The following CASP4 variants were observed in gnomAD, a reference collection of about 807,000 sequenced individuals.
The protein encoded by CASP4 is caspase 4.
Under a neutral mutation model 41.3 loss-of-function variants are expected in CASP4, and 29 were observed. That is an observed-to-expected ratio of 0.70 (90% confidence interval 0.52 to 0.96). The LOEUF (loss-of-function observed/expected upper bound fraction) is 0.96. Among genes scored for constraint, CASP4 ranks in the 40% least tolerant of loss-of-function variants. CASP4 has a pLI of 0.00. For synonymous variants in CASP4, 185 were observed against 158.4 expected (o/e 1.17, Z -1.26); for missense variants, 447 against 460.6 (o/e 0.97, Z 0.27).
rs1463444105 is a variant in CASP4, at chr11:104,954,433, C to A, written c.262+314G>T. Reference sequence around the variant, plus strand: ...TAACTAAGGATCTAGGGAAGTTAAGCAACTTACAGGATGTCACATAGGTCA... The same window carrying A: ...TAACTAAGGATCTAGGGAAGTTAAGAAACTTACAGGATGTCACATAGGTCA... On this transcript the variant is annotated intron_variant, in intron 2 of 8. Coordinates refer to ENST00000444739, the MANE Select transcript of CASP4 (RefSeq NM_001225.4). Among the ~76,000 whole-genome samples, 11 of 152,214 alleles carry A rather than the reference C, an allele frequency of 7.2e-5. 1 individual carries two copies. The East Asian group carries it at 7.7e-4, about 11-fold the overall frequency.
intron 1 of CASP4, among the ~76,000 whole-genome samples, chr11:104,962,984 A>G (rs1043619240): frequency 2.0e-5 from 3 of 152,152 alleles, no homozygotes; most frequent in Non-Finnish European, 4.4e-5. Flanking sequence ...AAATCTTGTA[A>G]AAAGAAACTG....
chr11:104,955,331 A>G (rs1860713502), intron 1 of CASP4, among the ~76,000 whole-genome samples: 1 of 151,880 alleles, frequency 6.6e-6, no homozygotes, highest in Non-Finnish European at 1.5e-5. Context: ...TTCACGGCCC[A>G]TAGTGATAAT....
chr11:104,958,960 CAAAAAAAAAAAAAA>C (rs56678254), intron 1 of CASP4, among the ~76,000 whole-genome samples: 1 of 62,466 alleles, frequency 1.6e-5, no homozygotes, highest in African/African-American at 6.0e-5. Context: ...GACTCTGTCT[CAAAAAAAAAAAAAA>C]AAAAAAAAAA....
At chr11:104,965,955 A>G (rs1447317121) in intron 1 of CASP4, among the ~76,000 whole-genome samples, 2 of 152,198 alleles carry the variant, frequency 1.3e-5, no homozygotes, top group Non-Finnish European at 2.9e-5. Flanking sequence ...ACACAGCAAG[A>G]AAACCTCACT....
At chr11:104,965,959 C>A (rs971259858) in intron 1 of CASP4, among the ~76,000 whole-genome samples, 5 of 152,118 alleles carry the variant, frequency 3.3e-5, no homozygotes, top group African/African-American at 7.2e-5. Flanking sequence ...AGCAAGAAAA[C>A]CTCACTTTGA....
At chr11:104,953,172 T>C (rs965149670) in intron 2 of CASP4, among the ~76,000 whole-genome samples, 9 of 152,252 alleles carry the variant, frequency 5.9e-5, no homozygotes, top group African/African-American at 1.9e-4. Flanking sequence ...CATATTATAC[T>C]GCAGACTGCT....
rs551111748 is a variant in CASP4 at position 104,954,685 on chromosome 11, G to T, written c.262+62C>A. On this transcript the variant is annotated intron_variant, in intron 2 of 8. Coordinates refer to ENST00000444739, the MANE Select transcript of CASP4 (RefSeq NM_001225.4). ...GGGAATCACAGAAGACACTGCTTAGGCCTTGGAGTTAAACAGATTTAGGGA... is the reference window on the plus strand; with the variant it reads ...GGGAATCACAGAAGACACTGCTTAGTCCTTGGAGTTAAACAGATTTAGGGA... 4 of 1,441,096 alleles carry T rather than the reference G, an allele frequency of 2.8e-6. No individual in the cohort carries two copies. In the African/African-American group the frequency reaches 4.2e-5, roughly 15 times the overall value. 89.3% of individuals were successfully genotyped at this position (1,441,096 alleles called of 1,614,324 possible). A position where few individuals can be genotyped will look rare whatever the true frequency, so the allele number is the denominator to read the frequency against.
rs1354686167 is a variant in CASP4, at chr11:104,952,008, G to A, written c.263-3C>T. The A allele has an allele frequency of 6.5e-7, 1 of 1,548,958 alleles. No individual in the cohort carries two copies. The highest frequency in any genetic ancestry group is 1.1e-5 in the South Asian group (1 of 89,730). ...TCCAGCCTCCATATTCGGATGAGCT[G>A]CAGGATATTGCAGAACATAAATTGT... On this transcript the variant is annotated splice_region_variant and splice_polypyrimidine_tract_variant and intron_variant, in intron 2 of 8. Transcript: ENST00000444739.
chr11:104,945,937 C>G (rs1860448311), intron 7 of CASP4, among the ~76,000 whole-genome samples: 1 of 152,096 alleles, frequency 6.6e-6, no homozygotes, highest in African/African-American at 2.4e-5. Context: ...ACCTCCGCTT[C>G]CTGAGCTCAA....
At chr11:104,964,275 A>G (rs1332565438) in intron 1 of CASP4, among the ~76,000 whole-genome samples, 1 of 152,112 alleles carries the variant, frequency 6.6e-6, no homozygotes, top group African/African-American at 2.4e-5. Flanking sequence ...GGAATAGAGG[A>G]AAAAAACAAA....
chr11:104,945,894 T>G (rs2134632349), intron 7 of CASP4, among the ~76,000 whole-genome samples: 1 of 152,184 alleles, frequency 6.6e-6, no homozygotes, highest in South Asian at 2.1e-4. Flanking sequence ...TCATCCAGGC[T>G]AGAGGGTAGT....
In CASP4 at chr11:104,964,826, G is replaced by A. The variant is rs77874942; in HGVS notation, c.7+3693C>T. Among the ~76,000 whole-genome samples the A allele has an allele frequency of 4.4e-4, 67 of 152,224 alleles. No individual in the cohort carries two copies. In the East Asian group the frequency reaches 9.1e-3, roughly 21 times the overall value. The stretch of plus-strand genomic sequence containing the variant: ...ATTTAAGGGTACAAATGCATGGCTG[G>A]GATTGGCTCTTAAAAAGTCTTATCT... On this transcript the variant is annotated intron_variant, in intron 1 of 8. Coordinates refer to ENST00000444739, the MANE Select transcript of CASP4 (RefSeq NM_001225.4).
chr11:104,947,990 A>G (rs1244040976), intron 6 of CASP4: 1 of 152,192 alleles, frequency 6.6e-6, no homozygotes, highest in Non-Finnish European at 1.5e-5. Flanking sequence ...ATCATACCTC[A>G]ATAAAGTGGT....
At chr11:104,961,196 C>T (rs1379267132) in intron 1 of CASP4, among the ~76,000 whole-genome samples, 3 of 152,258 alleles carry the variant, frequency 2.0e-5, no homozygotes, top group Admixed American at 1.3e-4. Context: ...CTGGCAGGCA[C>T]TGCCAACCCA....
chr11:104,968,101 A>G (rs1004110289), intron 1 of CASP4, among the ~76,000 whole-genome samples: 1 of 152,218 alleles, frequency 6.6e-6, no homozygotes, highest in African/African-American at 2.4e-5. Flanking sequence ...GTAATTCACA[A>G]TAAGAGATGT....
At chr11:104,961,190 C>T (rs924709934) in intron 1 of CASP4, among the ~76,000 whole-genome samples, 2 of 152,228 alleles carry the variant, frequency 1.3e-5, no homozygotes, top group South Asian at 2.1e-4. Context: ...TCTCCACTGG[C>T]AGGCACTGCC....
chr11:104,946,712 TC>T (rs1411661974), intron 7 of CASP4: 3 of 163,478 alleles, frequency 1.8e-5, no homozygotes, highest in Non-Finnish European at 4.0e-5. Flanking sequence ...TAGGATTACG[TC>T]ATGTAGGCCT....
At chr11:104,954,535 T>C (rs1335654053) in intron 2 of CASP4, among the ~76,000 whole-genome samples, 2 of 152,168 alleles carry the variant, frequency 1.3e-5, no homozygotes, top group Non-Finnish European at 2.9e-5. Flanking sequence ...TTGTACACAG[T>C]CTGAACACAA....
At chr11:104,955,348 C>G (rs56184015) in intron 1 of CASP4, among the ~76,000 whole-genome samples, 32,908 of 151,634 alleles carry the variant, frequency 0.22, 4,912 homozygotes, top group African/African-American at 0.42. Flanking sequence ...TAATGATCTG[C>G]CTAAAATATA....
Sources: allele counts gnomAD v4.1 joint callset (sites outside exome capture counted in the v4.1 genomes callset), GRCh38; gene constraint gnomAD v4.1.1; transcripts MANE v1.5; gene names NCBI Gene and HGNC (gene_info 2026-07-23, HGNC 2026-07-21).